Variants in TMEM168 observed in about 807,000 individuals in gnomAD.
TMEM168 encodes the protein transmembrane protein 168.
Under a neutral mutation model 53.2 loss-of-function variants are expected in TMEM168, and 40 were observed. That is an observed-to-expected ratio of 0.75 (90% confidence interval 0.58 to 0.98). The LOEUF is 0.98. TMEM168 is among the 50% of genes least tolerant of loss of function. TMEM168 has a pLI of 0.00. For synonymous variants in TMEM168, 282 were observed against 293.0 expected (o/e 0.96, Z 0.38); for missense variants, 771 against 828.8 (o/e 0.93, Z 0.86).
intron 4 of TMEM168, among the ~76,000 whole-genome samples, chr7:112,771,298 G>C (rs535809298): frequency 2.6e-5 from 4 of 152,188 alleles, no homozygotes; most frequent in African/African-American, 9.6e-5. Flanking sequence ...ATGGTAGAGT[G>C]GGGGGAAAAA....
chr7:112,771,661 G>A (rs1296902633), intron 4 of TMEM168, among the ~76,000 whole-genome samples: 1 of 152,040 alleles, frequency 6.6e-6, no homozygotes, highest in East Asian at 1.9e-4. Flanking sequence ...AAATCAATGA[G>A]ATCATGCTAG....
In TMEM168 at chr7:112,771,082, A is replaced by G. The variant is rs534394703; in HGVS notation, c.1546+1699T>C. ...AAACTGAAGTAGCCATAAAGGTTAAAAAGATGCTTTCTACGTTGTAATTAA... is the reference window on the plus strand; with the variant it reads ...AAACTGAAGTAGCCATAAAGGTTAAGAAGATGCTTTCTACGTTGTAATTAA... On this transcript the variant is annotated intron_variant, in intron 4 of 4. Transcript: ENST00000312814. Among the ~76,000 whole-genome samples the G allele has an allele frequency of 1.5e-4, 23 of 152,342 alleles. No individual in the cohort carries two copies. The South Asian group carries it at 4.8e-3, about 32-fold the overall frequency.
At chr7:112,778,766 CA>C (rs1793155336) in intron 2 of TMEM168, 1 of 152,044 alleles carries the variant, frequency 6.6e-6, no homozygotes, top group Admixed American at 6.6e-5. Flanking sequence ...GGTTTTGCAA[CA>C]TTGATGATGA....
Position 112,767,444 on chromosome 7 carries a change from T to C in TMEM168, c.1847A>G (p.Tyr616Cys), listed in dbSNP as rs1188468190. The C allele has an allele frequency of 6.2e-7, 1 of 1,614,086 alleles. No individual in the cohort carries two copies. The highest frequency in any genetic ancestry group is 8.5e-7 in the Non-Finnish European group (1 of 1,180,030). ...TEKGRTVKAV[Y>C]GVSKRWSDYT... ...GTCACTCCACCGTTTTGACACACCA[T>C]ATACTGCTTTCACTGTGCGTCCCTT... Residue 616 changes from tyrosine (Y) to cysteine (C), a missense_variant, in exon 5 of 5, where the codon TAT becomes TGT. Tyr to Cys is a radical substitution (Grantham distance 194). Coordinates refer to ENST00000312814, the MANE Select transcript of TMEM168 (RefSeq NM_022484.6).
Position 112,766,910 on chromosome 7 carries a change from T to G in TMEM168, c.*287A>C, listed in dbSNP as rs1190781053. 5.8e-6 allele frequency: 2 copies of G among 347,092 alleles called. No homozygotes were observed. Among genetic ancestry groups the G allele is most frequent in the Admixed American group, 8.9e-5 (2 of 22,470 alleles). 21.5% of individuals were successfully genotyped at this position (347,092 alleles called of 1,614,324 possible). ...GACCATTGCAGAGCATAGACAACTG[T>G]TTCTTTCTAATCAGGACCATAAGCA... On this transcript the variant is annotated 3_prime_UTR_variant, in exon 5 of 5. Transcript: ENST00000312814.
rs1792717538 is a variant in TMEM168 at position 112,764,182 on chromosome 7, CTG to C, written c.*3013_*3014del. ...GTTAAAAAAAGAAAATAAATTCATA[CTG>C]TTTTTTTTATTCTATTGAAAAAAAA... On this transcript the variant is annotated 3_prime_UTR_variant, in exon 5 of 5. Coordinates refer to ENST00000312814, the MANE Select transcript of TMEM168 (RefSeq NM_022484.6). 1 of 151,170 alleles carries C rather than the reference CTG, an allele frequency of 6.6e-6. No individual in the cohort carries two copies. Among genetic ancestry groups the C allele is most frequent in the Non-Finnish European group, 1.5e-5 (1 of 67,816 alleles). The allele number at this position is 151,170 out of a possible 1,614,324, so 9.4% of individuals were successfully genotyped here. A position where few individuals can be genotyped will look rare whatever the true frequency, so the allele number is the denominator to read the frequency against.
chr7:112,779,424 G>A (rs1186173886), intron 2 of TMEM168, among the ~76,000 whole-genome samples: 1 of 152,170 alleles, frequency 6.6e-6, no homozygotes, highest in Non-Finnish European at 1.5e-5. Flanking sequence ...CACTTTCAGA[G>A]AGCTTCAATT....
chr7:112,783,715 C>T lies in TMEM168; in HGVS notation c.1111G>A (p.Gly371Arg). 2 of 1,501,178 alleles carry T rather than the reference C, an allele frequency of 1.3e-6. No individual in the cohort carries two copies. Among genetic ancestry groups the T allele is most frequent in the Non-Finnish European group, 1.8e-6 (2 of 1,126,338 alleles). The allele number at this position is 1,501,178 out of a possible 1,614,324, so 93.0% of individuals were successfully genotyped here. A position where few individuals can be genotyped will look rare whatever the true frequency, so the allele number is the denominator to read the frequency against. The change falls in exon 2 of 5, where the codon GGA becomes AGA. Residue 371 changes from glycine to arginine, a missense_variant. Transcript: ENST00000312814. ...AAGCTTACCTGCCAGGAAACTGCTCCCAAAATCGCTGTTGCAAGAAGACTA... is the reference window on the plus strand; with the variant it reads ...AAGCTTACCTGCCAGGAAACTGCTCTCAAAATCGCTGTTGCAAGAAGACTA... ...FFSLLATAIL[G>R]AVSWQPTNGI...
intron 4 of TMEM168, 144 bp downstream of exon 4, chr7:112,772,637 T>C (rs1792957672): frequency 1.2e-6 from 1 of 866,706 alleles, no homozygotes; most frequent in Non-Finnish European, 1.7e-6. Flanking sequence ...ACAGGTATGC[T>C]AGAGCAAAGA....
chr7:112,785,185 C>T lies in TMEM168; in HGVS notation c.-128-232G>A, dbSNP rs532800686. On this transcript the variant is annotated intron_variant, in intron 1 of 4. Coordinates refer to ENST00000312814, the MANE Select transcript of TMEM168 (RefSeq NM_022484.6). ...ATATGCTATGACTGCATGAATAGAA[C>T]TGTTCTTCCAGAGATGGTGAAGAAT... Among the ~76,000 whole-genome samples the T allele has an allele frequency of 2.0e-5, 3 of 152,266 alleles. No individual in the cohort carries two copies. In the South Asian group the frequency reaches 6.2e-4, roughly 32 times the overall value.
intron 1 of TMEM168, chr7:112,788,546 T>C (rs1055470201): frequency 1.3e-5 from 2 of 152,252 alleles, no homozygotes; most frequent in African/African-American, 4.8e-5. Flanking sequence ...AAAGACAGCC[T>C]GAGTTAGAGA....
chr7:112,785,757 T>C (rs965397960), intron 1 of TMEM168, among the ~76,000 whole-genome samples: 1 of 152,164 alleles, frequency 6.6e-6, no homozygotes, highest in African/African-American at 2.4e-5. Context: ...ACCCACGAAA[T>C]TAAAGCTTCC....
chr7:112,787,866 G>A (rs1230586842), intron 1 of TMEM168, among the ~76,000 whole-genome samples: 2 of 151,098 alleles, frequency 1.3e-5, no homozygotes, highest in Middle Eastern at 3.2e-3. Context: ...CCAAGTAGCT[G>A]GAATTACAGG....
rs558123531 is a variant in TMEM168, at chr7:112,774,359, A to ATT, written c.1271+815_1271+816dup. Among the ~76,000 whole-genome samples, 230 of 94,248 alleles carry ATT rather than the reference A, an allele frequency of 2.4e-3. 5 individuals carry two copies. The highest frequency in any genetic ancestry group is 9.1e-3 in the Middle Eastern group (1 of 110). 61.8% of individuals were successfully genotyped at this position (94,248 alleles called of 152,430 possible). A position where few individuals can be genotyped will look rare whatever the true frequency, so the allele number is the denominator to read the frequency against. Reference sequence around the variant, plus strand: ...TTTTCAGTGTGCAGAGTGTTTTTACATTTTTTTTTTTTTTTTTTTTTTTTT... The same window carrying ATT: ...TTTTCAGTGTGCAGAGTGTTTTTACATTTTTTTTTTTTTTTTTTTTTTTTTTT... On this transcript the variant is annotated intron_variant, in intron 3 of 4. Transcript: ENST00000312814.
intron 4 of TMEM168, among the ~76,000 whole-genome samples, chr7:112,768,201 T>C (rs898906384): frequency 1.3e-5 from 2 of 152,230 alleles, no homozygotes; most frequent in Admixed American, 1.3e-4. Context: ...TATTTTGTGA[T>C]AGTAAAAACT....
rs202110230 is a variant in TMEM168, at chr7:112,767,642, G to C, written c.1649C>G (p.Thr550Ser). 5.0e-6 allele frequency: 8 copies of C among 1,614,026 alleles called. No homozygotes were observed. Among genetic ancestry groups the C allele is most frequent in the Non-Finnish European group, 5.1e-6 (6 of 1,180,002 alleles). The change falls in exon 5 of 5, where the codon ACC becomes AGC. Residue 550 changes from threonine to serine, a missense_variant. Physicochemically the swap from Thr to Ser is moderately conservative, Grantham distance 58. Coordinates refer to ENST00000312814, the MANE Select transcript of TMEM168 (RefSeq NM_022484.6). Reference sequence around the variant, plus strand: ...TTTCCTCACTTCTTTCACCCAAGGGGTTGAATTTTCGCTGTCTAATACGAT... The same window carrying C: ...TTTCCTCACTTCTTTCACCCAAGGGCTTGAATTTTCGCTGTCTAATACGAT... ...LIIVLDSENS[T>S]PWVKEVRKIN... is the part of the protein sequence containing the mutation.
intron 4 of TMEM168, among the ~76,000 whole-genome samples, chr7:112,768,996 C>G (rs1792861633): frequency 6.6e-6 from 1 of 152,142 alleles, no homozygotes; most frequent in African/African-American, 2.4e-5. Flanking sequence ...TGTTTCACTT[C>G]CATGTGGTTT....
rs1792738226 is a variant in TMEM168, at chr7:112,764,934, C to G, written c.*2263G>C. 1 of 152,288 alleles carries G rather than the reference C, an allele frequency of 6.6e-6. No homozygotes were observed. The highest frequency in any genetic ancestry group is 1.5e-5 in the Non-Finnish European group (1 of 68,162). The allele number at this position is 152,288 out of a possible 1,614,324, so 9.4% of individuals were successfully genotyped here. A position where few individuals can be genotyped will look rare whatever the true frequency, so the allele number is the denominator to read the frequency against. Reference sequence around the variant, plus strand: ...AAGCGATTCTTGTGCCTTAGCCTCCCAAGTAGCTGGGATTACAGGCACCTG... The same window carrying G: ...AAGCGATTCTTGTGCCTTAGCCTCCGAAGTAGCTGGGATTACAGGCACCTG... On this transcript the variant is annotated 3_prime_UTR_variant, in exon 5 of 5. Coordinates refer to ENST00000312814, the MANE Select transcript of TMEM168 (RefSeq NM_022484.6).
At chr7:112,788,846 T>C (rs1338258851) in intron 1 of TMEM168, among the ~76,000 whole-genome samples, 1 of 152,198 alleles carries the variant, frequency 6.6e-6, no homozygotes, top group East Asian at 1.9e-4. Flanking sequence ...CATCCCAATT[T>C]TGGCCACCAT....
Sources: allele counts gnomAD v4.1 joint callset (sites outside exome capture counted in the v4.1 genomes callset), GRCh38; gene constraint gnomAD v4.1.1; transcripts MANE v1.5; gene names NCBI Gene and HGNC (gene_info 2026-07-23, HGNC 2026-07-21).